MYH2: variants seen among roughly 807,000 people sequenced by gnomAD.
The protein encoded by MYH2 is myosin heavy chain 2.
A neutral mutation model predicts 228.1 loss-of-function variants in MYH2; 139 were observed. That is an observed-to-expected ratio of 0.61 (90% confidence interval 0.53 to 0.70). The LOEUF is 0.70. Among genes scored for constraint, MYH2 ranks in the 30% least tolerant of loss-of-function variants. The pLI is 0.00. For synonymous variants in MYH2, 796 were observed against 871.1 expected, an observed-to-expected ratio of 0.91 and a Z score of 1.52; for missense variants, 1,809 against 2,357.5, an observed-to-expected ratio of 0.77 and a Z score of 4.82.
intron 11 of MYH2, 120 bp from the exon 12 acceptor site, chr17:10,540,186 C>A (rs2073533601): frequency 7.3e-7 from 1 of 1,370,978 alleles, no homozygotes; most frequent in Non-Finnish European, 1.0e-6. Context: ...CAAGGAACCC[C>A]TTAGATTGGG....
At chr17:10,531,474 A>G (rs1043154048) in intron 22 of MYH2, among the ~76,000 whole-genome samples, 159 bp downstream of exon 22, 1 of 152,162 alleles carries the variant, frequency 6.6e-6, no homozygotes, top group Non-Finnish European at 1.5e-5. Context: ...TTATTGGGCA[A>G]TGGAGGAATG....
At position 10,537,280 on chromosome 17, in the gene MYH2, A is replaced by T; in HGVS notation, c.1850T>A (p.Met617Lys). 7 of 1,614,216 alleles carry T rather than the reference A, an allele frequency of 4.3e-6. No individual in the cohort carries two copies. Among genetic ancestry groups the T allele is most frequent in the Non-Finnish European group, 5.9e-6 (7 of 1,180,036 alleles). ...AGAGAAGAGCTGAGCTAGAGTTTTCATTGCAGACTTCTGGTACAGTCCAAC... is the reference window on the plus strand; with the variant it reads ...AGAGAAGAGCTGAGCTAGAGTTTTCTTTGCAGACTTCTGGTACAGTCCAAC... ...TVVGLYQKSA[M>K]KTLAQLFSGA... Residue 617 changes from methionine to lysine, a missense_variant, in exon 16 of 40, where the codon ATG becomes AAG. Transcript: ENST00000245503. This position sits in a 1 kb window ranked among gnomAD's most constrained non-coding sequence, Gnocchi z 4.0.
intron 3 of MYH2, 43 bp from the exon 4 acceptor site, chr17:10,547,661 C>T (rs746111330): frequency 6.2e-7 from 1 of 1,614,066 alleles, no homozygotes; most frequent in South Asian, 1.1e-5. Context: ...ATTGAGTGAC[C>T]AAACAACAAC....
intron 14 of MYH2, among the ~76,000 whole-genome samples, chr17:10,538,488 C>G (rs929582461): frequency 2.0e-4 from 30 of 151,772 alleles, no homozygotes; most frequent in African/African-American, 7.0e-4. Context: ...AAAAAAAATA[C>G]AAAAACATTA....
In MYH2 at chr17:10,521,316, G is replaced by A; in HGVS notation, c.5790C>T (p.Ser1930=). 6.2e-7 allele frequency: 1 copy of A among 1,614,032 alleles called. No homozygotes were observed. The highest frequency in any genetic ancestry group is 8.5e-7 in the Non-Finnish European group (1 of 1,180,016). The part of the protein sequence containing the change: ...ESQVNKLRVK[S]REVHTKVISE... ...TTATGACTTTTGTGTGAACCTCCCG[G>A]CTCTTCACCCGCAGTTTGTTCACCT... Residue 1930 remains serine, a synonymous_variant, in exon 40 of 40, where the codon AGC becomes AGT. Coordinates refer to ENST00000245503, the MANE Select transcript of MYH2 (RefSeq NM_017534.6).
intron 30 of MYH2, among the ~76,000 whole-genome samples, chr17:10,526,356 T>C (rs1463036996): frequency 6.6e-6 from 1 of 152,186 alleles, no homozygotes; most frequent in Non-Finnish European, 1.5e-5. Flanking sequence ...CAAACAGCAA[T>C]GAGGCCCCTA....
At chr17:10,547,984 T>A (rs576479857) in intron 2 of MYH2, 44 bp from the exon 3 acceptor site, 1 of 1,493,546 alleles carries the variant, frequency 6.7e-7, no homozygotes, top group Non-Finnish European at 9.3e-7. Context: ...TGGATTGCCA[T>A]GTATACCAAT....
chr17:10,533,199 T>A, intron 21 of MYH2, 86 bp downstream of exon 21: 1 of 1,575,480 alleles, frequency 6.3e-7, no homozygotes, highest in Non-Finnish European at 8.7e-7. Context: ...TTCTTTAGTG[T>A]CCTTATCATA....
intron 39 of MYH2, 148 bp from the exon 40 acceptor site, chr17:10,521,580 C>A (rs975197309): frequency 2.2e-6 from 1 of 444,706 alleles, no homozygotes; most frequent in Non-Finnish European, 3.9e-6. Flanking sequence ...TTATTGATGT[C>A]ATATATATAT....
intron 16 of MYH2, among the ~76,000 whole-genome samples, chr17:10,536,991 G>A (rs1019679478): frequency 2.2e-4 from 34 of 152,126 alleles, no homozygotes; most frequent in African/African-American, 7.5e-4. Flanking sequence ...GGAGAGAATC[G>A]TAGAAGCTGA....
chr17:10,533,523 ATTT>A lies in MYH2; in HGVS notation c.2287_2289del (p.Lys763del). On this transcript the variant is annotated inframe_deletion, in exon 20 of 40. Transcript: ENST00000245503. ...CAGAAAATTACCTTGGTGTGCCCAA[ATTT>A]ATACTGGGTGTGGTCAATGTCGATG... The A allele has an allele frequency of 3.1e-6, 5 of 1,614,180 alleles. No homozygotes were observed. Among genetic ancestry groups the A allele is most frequent in the Non-Finnish European group, 4.2e-6 (5 of 1,180,022 alleles).
rs548130048 is a variant in MYH2 at position 10,546,686 on chromosome 17, T to A, written c.348+789A>T. 1.6e-4 allele frequency among the ~76,000 whole-genome samples: 24 copies of A among 151,500 alleles called. 1 individual carries two copies. The South Asian group carries it at 4.8e-3, about 30-fold the overall frequency. On this transcript the variant is annotated intron_variant, in intron 4 of 39. Transcript: ENST00000245503. ...GCTTGGGGAAGTGGGAGAGGTTTCA[T>A]CGAGGAGGTGACATTCCAGATAGAA...
chr17:10,527,974 T>C, intron 27 of MYH2, 100 bp from the exon 28 acceptor site: 1 of 1,375,516 alleles, frequency 7.3e-7, no homozygotes, highest in Non-Finnish European at 1.0e-6. Flanking sequence ...AAAAATACAA[T>C]ATTTATCTTA....
intron 4 of MYH2, among the ~76,000 whole-genome samples, chr17:10,547,229 T>C (rs536737864): frequency 2.0e-5 from 3 of 152,316 alleles, no homozygotes; most frequent in African/African-American, 7.2e-5. Context: ...CAAATGCCTA[T>C]TGAAGGGTTT....
intron 27 of MYH2, 111 bp from the exon 28 acceptor site, chr17:10,527,985 A>T (rs569766185): frequency 4.5e-5 from 60 of 1,332,048 alleles, no homozygotes; most frequent in Non-Finnish European, 5.6e-5. Context: ...ATTTATCTTA[A>T]TATAGAAAAG....
chr17:10,544,876 G>A (rs1220117150), intron 5 of MYH2, among the ~76,000 whole-genome samples: 3 of 152,094 alleles, frequency 2.0e-5, no homozygotes, highest in African/African-American at 4.8e-5. Flanking sequence ...GCATTGTGCC[G>A]TCCTTCATAT....
rs569582034 is a variant in MYH2, at chr17:10,527,615, C to G, written c.3871+133G>C. The G allele has an allele frequency of 7.2e-6, 10 of 1,387,610 alleles. No homozygotes were observed. In the East Asian group the frequency reaches 2.1e-4, roughly 29 times the overall value. The allele number at this position is 1,387,610 out of a possible 1,614,324, so 86.0% of individuals were successfully genotyped here. On this transcript the variant is annotated intron_variant, in intron 28 of 39. Transcript: ENST00000245503. Reference sequence around the variant, plus strand: ...TCCCAAGATGACCTTGCACATAGGTCAGGTGTCTGAGCTGTTCAGTGAATC... The same window carrying G: ...TCCCAAGATGACCTTGCACATAGGTGAGGTGTCTGAGCTGTTCAGTGAATC...
chr17:10,524,962 A>G lies in MYH2; in HGVS notation c.4766T>C (p.Ile1589Thr). ...DRKIAEKDEE[I>T]DQLKRNHIRI... is the part of the protein sequence containing the mutation. ...AATGTGGTTTCTCTTCAGCTGGTCAATTTCCTCATCTTTTTCAGCAATTTT... is the reference window on the plus strand; with the variant it reads ...AATGTGGTTTCTCTTCAGCTGGTCAGTTTCCTCATCTTTTTCAGCAATTTT... Residue 1589 changes from isoleucine to threonine, a missense_variant, in exon 34 of 40, where the codon ATT (isoleucine) becomes ACT (threonine). By Grantham distance (89) the Ile-to-Thr change is moderately conservative (BLOSUM62 -1). This residue lies in a region of MYH2 where 636 missense variants were observed against 729.9 expected (regional missense o/e 0.87). Transcript: ENST00000245503. This position sits in a 1 kb window ranked among gnomAD's most constrained non-coding sequence, Gnocchi z 4.7. The G allele has an allele frequency of 6.2e-7, 1 of 1,613,898 alleles. No homozygotes were observed. The highest frequency in any genetic ancestry group is 8.5e-7 in the Non-Finnish European group (1 of 1,179,994).
At chr17:10,547,435 A>C (rs1162812731) in intron 4 of MYH2, 40 bp downstream of exon 4, 1 of 1,612,390 alleles carries the variant, frequency 6.2e-7, no homozygotes, top group Non-Finnish European at 8.5e-7. Context: ...GGTAGGGTAC[A>C]TGAGGATGAT....
Sources: gnomAD v4.1 joint callset for allele counts (sites outside exome capture counted in the v4.1 genomes callset) on GRCh38, gnomAD v4.1.1 for gene constraint, gnomAD v4.1.1 regional missense constraint, Gnocchi (gnomAD v3.1) non-coding constraint, MANE v1.5 for transcripts, NCBI Gene and HGNC (gene_info 2026-07-23, HGNC 2026-07-21) for gene names.